The following USP34 variants were observed in gnomAD, a reference collection of about 807,000 sequenced individuals.
The protein encoded by USP34 is ubiquitin carboxyl-terminal hydrolase 34.
A neutral mutation model predicts 460.3 loss-of-function variants in USP34; 70 were observed. The observed-to-expected ratio is 0.15, with a 90% CI of 0.13 to 0.19. The LOEUF (loss-of-function observed/expected upper bound fraction) is 0.19, where lower values mean the gene tolerates loss of function less well. Ranked by LOEUF, USP34 falls within the 10% of genes least tolerant of loss-of-function variation. The probability of loss-of-function intolerance (pLI) is 1.00; values close to 1 mark genes in which losing one functional copy is unlikely to be tolerated. For missense variants in USP34, 3,985 were observed against 4,236.2 expected (o/e 0.94, Z 1.65); for synonymous variants, 1,647 against 1,405.3 (o/e 1.17, Z -3.85).
intron 5 of USP34, among the ~76,000 whole-genome samples, chr2:61,384,518 C>A (rs563829958): frequency 1.3e-5 from 2 of 151,712 alleles, no homozygotes; most frequent in Admixed American, 1.3e-4. Flanking sequence ...CAAAAAAATA[C>A]AAAAATAAGC....
At chr2:61,303,625 C>G (rs1572915869) in intron 27 of USP34, among the ~76,000 whole-genome samples, 1 of 151,018 alleles carries the variant, frequency 6.6e-6, no homozygotes, top group African/African-American at 2.4e-5. Flanking sequence ...GAGACAGAGT[C>G]TCGCTCTGTC....
intron 69 of USP34, among the ~76,000 whole-genome samples, chr2:61,211,403 T>C (rs1362594493): frequency 2.6e-5 from 4 of 152,214 alleles, no homozygotes; most frequent in South Asian, 4.1e-4. Flanking sequence ...CAGATAGATA[T>C]ATTTGGGCTA....
intron 41 of USP34, among the ~76,000 whole-genome samples, chr2:61,273,196 A>G (rs1689268375): frequency 6.6e-6 from 1 of 152,226 alleles, no homozygotes; most frequent in African/African-American, 2.4e-5. Flanking sequence ...AGAATCTTCT[A>G]AATAAAAAAC....
intron 19 of USP34, among the ~76,000 whole-genome samples, chr2:61,333,681 G>C (rs1691336902): frequency 6.6e-6 from 1 of 151,926 alleles, no homozygotes; most frequent in Non-Finnish European, 1.5e-5. Flanking sequence ...AAACTCCAAA[G>C]AAAACAAAAC....
intron 27 of USP34, among the ~76,000 whole-genome samples, chr2:61,309,209 G>T (rs557555373): frequency 1.1e-4 from 17 of 152,228 alleles, no homozygotes; most frequent in African/African-American, 4.1e-4. Context: ...TATCATTTGG[G>T]TATGAAAACA....
Position 61,190,672 on chromosome 2 carries a change from A to G in USP34, c.9589-14T>C, listed in dbSNP as rs1686611271. 1 of 1,609,700 alleles carries G rather than the reference A, an allele frequency of 6.2e-7. No individual in the cohort carries two copies. The highest frequency in any genetic ancestry group is 1.3e-5 in the African/African-American group (1 of 74,624). Reference sequence around the variant, plus strand: ...TGACATAGCAGACTAAAGTGGGGAGAAGATGGTTGAGCACTTACGGTTGAG... The same window carrying G: ...TGACATAGCAGACTAAAGTGGGGAGGAGATGGTTGAGCACTTACGGTTGAG... On this transcript the variant is annotated splice_polypyrimidine_tract_variant and intron_variant, in intron 76 of 79. Coordinates refer to ENST00000398571, the MANE Select transcript of USP34 (RefSeq NM_014709.4).
chr2:61,276,695 A>G (rs910443304), intron 41 of USP34, among the ~76,000 whole-genome samples: 2 of 152,238 alleles, frequency 1.3e-5, no homozygotes, highest in Non-Finnish European at 2.9e-5. Context: ...ATATAAGAGA[A>G]GACTTCAATC....
chr2:61,404,031 TAAGGA>T (rs1693797510), intron 3 of USP34, among the ~76,000 whole-genome samples: 1 of 110,432 alleles, frequency 9.1e-6, no homozygotes, highest in South Asian at 3.3e-4. Context: ...TTTAGAACAG[TAAGGA>T]AAGAAGGACA....
intron 64 of USP34, 65 bp from the exon 65 acceptor site, chr2:61,222,728 G>A (rs995083824): frequency 1.4e-5 from 20 of 1,468,108 alleles, no homozygotes; most frequent in South Asian, 7.1e-5. Flanking sequence ...ACAGGGTTTC[G>A]CTATGTCACC....
In USP34 at chr2:61,262,181, CCTT is replaced by C. The variant is rs571735072; in HGVS notation, c.5779-2408_5779-2406del. 2.8e-3 allele frequency among the ~76,000 whole-genome samples: 392 copies of C among 141,022 alleles called. 1 individual carries two copies. Among genetic ancestry groups the C allele is most frequent in the African/African-American group, 9.6e-3 (351 of 36,398 alleles). The allele number at this position is 141,022 out of a possible 152,430, so 92.5% of individuals were successfully genotyped here. ...TATAGAAATATATGTACACAGGTCT[CCTT>C]TTTTTTTTTACTGTTTACTCTTATT... On this transcript the variant is annotated intron_variant, in intron 43 of 79. Transcript: ENST00000398571.
chr2:61,370,406 T>C lies in USP34; in HGVS notation c.1166A>G (p.Lys389Arg). ...AAAATTCAAAATCACTTGGCACTGT[T>C]TGATAATCTGGAAAAGAAAAACTTA... ...FGPNLHIEII[K>R]QCQVILNFLA... The change falls in exon 10 of 80, where the codon AAA becomes AGA. Residue 389 changes from lysine to arginine, a missense_variant. Coordinates refer to ENST00000398571, the MANE Select transcript of USP34 (RefSeq NM_014709.4). 1 of 1,614,022 alleles carries C rather than the reference T, an allele frequency of 6.2e-7. No individual in the cohort carries two copies. The highest frequency in any genetic ancestry group is 8.5e-7 in the Non-Finnish European group (1 of 1,179,974).
intron 54 of USP34, 34 bp downstream of exon 54, chr2:61,236,291 G>C: frequency 6.3e-7 from 1 of 1,591,922 alleles, no homozygotes; most frequent in African/African-American, 1.4e-5. Context: ...TTTAAAATGT[G>C]TAAAATATCT....
chr2:61,447,398 AGCTC>A (rs1214688544), intron 1 of USP34, among the ~76,000 whole-genome samples: 4 of 152,096 alleles, frequency 2.6e-5, no homozygotes, highest in Non-Finnish European at 4.4e-5. Context: ...TTTCTATCAA[AGCTC>A]AAATTTTATC....
chr2:61,265,969 A>G lies in USP34; in HGVS notation c.5617+15T>C. The stretch of plus-strand genomic sequence containing the variant: ...TCAAAATCTATAAAGATTAAAGGAA[A>G]AGAAGAATGCTTACACTGCATGTGT... On this transcript the variant is annotated intron_variant, in intron 42 of 79. Transcript: ENST00000398571. The G allele has an allele frequency of 6.5e-7, 1 of 1,540,414 alleles. No homozygotes were observed. Among genetic ancestry groups the G allele is most frequent in the Non-Finnish European group, 8.8e-7 (1 of 1,136,404 alleles).
intron 25 of USP34, 57 bp downstream of exon 25, chr2:61,314,528 G>T: frequency 1.5e-6 from 2 of 1,343,830 alleles, no homozygotes; most frequent in Non-Finnish European, 1.9e-6. Flanking sequence ...AATATTTCTG[G>T]ATATGTCAGG....
At chr2:61,217,469 T>G (rs1416265403) in intron 67 of USP34, among the ~76,000 whole-genome samples, 2 of 152,238 alleles carry the variant, frequency 1.3e-5, no homozygotes, top group Admixed American at 1.3e-4. Context: ...ATTCAAATAT[T>G]TGGACTCTTA....
At chr2:61,338,304 G>C (rs1227297210) in intron 18 of USP34, among the ~76,000 whole-genome samples, 1 of 152,192 alleles carries the variant, frequency 6.6e-6, no homozygotes, top group African/African-American at 2.4e-5. Context: ...CTGGGCGATG[G>C]AGCAAGACTC....
chr2:61,389,482 A>G (rs376263986), intron 5 of USP34, among the ~76,000 whole-genome samples: 4 of 152,216 alleles, frequency 2.6e-5, no homozygotes, highest in South Asian at 2.1e-4. Context: ...ATGAAGAAAA[A>G]TGTCAATACA....
intron 1 of USP34, among the ~76,000 whole-genome samples, chr2:61,462,999 C>T (rs1695650981): frequency 6.6e-6 from 1 of 151,964 alleles, no homozygotes; most frequent in Admixed American, 6.6e-5. Context: ...CATTGCACTC[C>T]AGCCTGGATG....
Sources: gnomAD v4.1 joint callset for allele counts (sites outside exome capture counted in the v4.1 genomes callset) on GRCh38, gnomAD v4.1.1 for gene constraint, MANE v1.5 for transcripts, NCBI Gene and HGNC (gene_info 2026-07-23, HGNC 2026-07-21) for gene names.